The following GNAL variants were observed in gnomAD, a reference collection of about 807,000 sequenced individuals.
GNAL encodes G protein subunit alpha L.
GNAL carries 18 observed loss-of-function variants against 55.1 expected under a neutral mutation model. The ratio of observed to expected loss-of-function variants is 0.33; its 90% CI spans 0.23 to 0.48. GNAL has a LOEUF of 0.48. Ranked by LOEUF, GNAL falls within the 20% of genes least tolerant of loss-of-function variation. The pLI, the probability that GNAL is intolerant of heterozygous loss-of-function variation, is 0.99. For missense variants in GNAL, 412 were observed against 614.1 expected, an observed-to-expected ratio of 0.67 and a Z score of 3.48; for synonymous variants, 253 against 237.0, an observed-to-expected ratio of 1.07 and a Z score of -0.62.
At chr18:11,721,936 T>A (rs979082429) in intron 1 of GNAL, among the ~76,000 whole-genome samples, 8 of 148,338 alleles carry the variant, frequency 5.4e-5, no homozygotes, top group African/African-American at 1.5e-4. Context: ...AAATAAATAA[T>A]AAAATAGTCT....
chr18:11,880,447 C>T (rs1164684948), intron 11 of GNAL, among the ~76,000 whole-genome samples: 4 of 151,830 alleles, frequency 2.6e-5, no homozygotes, highest in Middle Eastern at 3.4e-3. Flanking sequence ...CGGTGATGGA[C>T]GCCTGTAATC....
chr18:11,813,315 C>T (rs2034870787), intron 4 of GNAL, among the ~76,000 whole-genome samples: 1 of 151,086 alleles, frequency 6.6e-6, no homozygotes, highest in Non-Finnish European at 1.5e-5. Flanking sequence ...TCATGGATTA[C>T]ACAACCATTA....
chr18:11,732,332 G>A (rs955497659), intron 1 of GNAL, among the ~76,000 whole-genome samples: 2 of 152,134 alleles, frequency 1.3e-5, no homozygotes, highest in African/African-American at 2.4e-5. Context: ...ACATCTCACC[G>A]ACACTCGTTA....
chr18:11,825,060 G>T, intron 5 of GNAL, 45 bp downstream of exon 5: 2 of 986,416 alleles, frequency 2.0e-6, no homozygotes, highest in South Asian at 1.4e-5. Context: ...TGAAGAATAT[G>T]ATTGCATGCA....
chr18:11,830,488 G>T (rs1226931541), intron 5 of GNAL, among the ~76,000 whole-genome samples: 1 of 152,066 alleles, frequency 6.6e-6, no homozygotes, highest in Non-Finnish European at 1.5e-5. Flanking sequence ...TTCCATGGCA[G>T]GAGTCATGGG....
intron 4 of GNAL, among the ~76,000 whole-genome samples, chr18:11,823,333 A>AG (rs1568043390): frequency 6.6e-6 from 1 of 152,136 alleles, no homozygotes; most frequent in African/African-American, 2.4e-5. Flanking sequence ...TCAGGGGGAG[A>AG]ATGTCTCTTT....
intron 1 of GNAL, among the ~76,000 whole-genome samples, chr18:11,749,413 T>C (rs1237868795): frequency 6.6e-6 from 1 of 152,246 alleles, no homozygotes; most frequent in Non-Finnish European, 1.5e-5. Flanking sequence ...AAAAGTACTA[T>C]ATTGAACAAA....
In GNAL at chr18:11,689,488, G is replaced by T. The variant is rs973567089; in HGVS notation, c.-76G>T. The T allele has an allele frequency of 1.8e-5, 12 of 656,542 alleles. No homozygotes were observed. In the South Asian group the frequency reaches 6.4e-4, roughly 35 times the overall value. 40.7% of individuals were successfully genotyped at this position (656,542 alleles called of 1,614,324 possible). A position where few individuals can be genotyped will look rare whatever the true frequency, so the allele number is the denominator to read the frequency against. On this transcript the variant is annotated 5_prime_UTR_variant, in exon 1 of 12. Transcript: ENST00000334049. The stretch of plus-strand genomic sequence containing the variant: ...CTCCGCTGAGGCGCCGGCCTGAACT[G>T]GGCGCGGGAACCAGGCCGCCCTCGG...
Position 11,752,262 on chromosome 18 carries a change from G to A in GNAL, c.377-591G>A, listed in dbSNP as rs976970232. 7.4e-7 allele frequency: 1 copy of A among 1,359,852 alleles called. No individual in the cohort carries two copies. The highest frequency in any genetic ancestry group is 9.5e-7 in the Non-Finnish European group (1 of 1,047,866). The allele number at this position is 1,359,852 out of a possible 1,614,324, so 84.2% of individuals were successfully genotyped here. On this transcript the variant is annotated intron_variant, in intron 1 of 11. Transcript: ENST00000334049. The surrounding 1 kb of genome is among the most constrained non-coding windows in gnomAD (Gnocchi z 4.5). ...TTTAGTTGGGAGTTTGCGGTGGGCA[G>A]GGGGAGGGAGAAGAAACGCCTGCTC...
intron 4 of GNAL, among the ~76,000 whole-genome samples, chr18:11,771,282 ATAGTGAG>A (rs2033627386): frequency 6.6e-6 from 1 of 151,576 alleles, no homozygotes; most frequent in South Asian, 2.1e-4. Context: ...TTAAAATGTT[ATAGTGAG>A]TAGTGTGTTA....
chr18:11,695,914 G>GCACA (rs1567988336), intron 1 of GNAL, among the ~76,000 whole-genome samples: 2 of 146,912 alleles, frequency 1.4e-5, no homozygotes, highest in Non-Finnish European at 3.0e-5. Context: ...AGACATGCAT[G>GCACA]CACGCATGCA....
intron 4 of GNAL, among the ~76,000 whole-genome samples, chr18:11,809,524 G>A (rs2034755186): frequency 6.6e-6 from 1 of 152,044 alleles, no homozygotes; most frequent in Admixed American, 6.6e-5. Context: ...CTTGAGGCCA[G>A]GAGTTGGATA....
chr18:11,704,650 T>A (rs1426564358), intron 1 of GNAL, among the ~76,000 whole-genome samples: 1 of 152,170 alleles, frequency 6.6e-6, no homozygotes, highest in Non-Finnish European at 1.5e-5. Context: ...GTCTCTTACA[T>A]TTTTGTCTCC....
intron 4 of GNAL, among the ~76,000 whole-genome samples, chr18:11,754,343 G>A (rs1338140543): frequency 6.6e-6 from 1 of 151,940 alleles, no homozygotes; most frequent in Non-Finnish European, 1.5e-5. Flanking sequence ...CTTGATCGAG[G>A]GAGGTGGAGG....
At chr18:11,796,083 C>T (rs2034371141) in intron 4 of GNAL, among the ~76,000 whole-genome samples, 1 of 152,128 alleles carries the variant, frequency 6.6e-6, no homozygotes, top group Non-Finnish European at 1.5e-5. Flanking sequence ...AGGAAAGTAA[C>T]CATCCCTCCT....
intron 11 of GNAL, among the ~76,000 whole-genome samples, chr18:11,880,552 G>A (rs1482609668): frequency 6.6e-6 from 1 of 152,154 alleles, no homozygotes; most frequent in Non-Finnish European, 1.5e-5. Flanking sequence ...TCCAGCCTGG[G>A]CAACAGAGCT....
chr18:11,850,066 G>C (rs1598426740), intron 5 of GNAL, among the ~76,000 whole-genome samples: 1 of 152,198 alleles, frequency 6.6e-6, no homozygotes, highest in Non-Finnish European at 1.5e-5. Context: ...TCAATAGGCA[G>C]AGATGCATGG....
In GNAL at chr18:11,712,653, T is replaced by C. The variant is rs11872148; in HGVS notation, c.376+22714T>C. Among the ~76,000 whole-genome samples the C allele has an allele frequency of 4.8e-3, 732 of 152,330 alleles. 3 individuals carry two copies. Among genetic ancestry groups the C allele is most frequent in the African/African-American group, 0.017 (686 of 41,570 alleles). On this transcript the variant is annotated intron_variant, in intron 1 of 11. Coordinates refer to ENST00000334049, the MANE Select transcript of GNAL (RefSeq NM_182978.4). Reference sequence around the variant, plus strand: ...TTTTTCTATAGAGTTACCAGTCCAGTTGAAAATCTCTGATTTCTCTCCCTG... The same window carrying C: ...TTTTTCTATAGAGTTACCAGTCCAGCTGAAAATCTCTGATTTCTCTCCCTG...
Position 11,881,011 on chromosome 18 carries a change from A to T in GNAL, c.1253A>T (p.Asp418Val). ...LFLRISTATG[D>V]GKHYCYPHFT... ...CAGAGGATCAGCACGGCCACCGGTG[A>T]CGGCAAACATTACTGCTACCCGCAC... The change falls in exon 12 of 12, where the codon GAC becomes GTC. Residue 418 changes from aspartate to valine, a missense_variant. Coordinates refer to ENST00000334049, the MANE Select transcript of GNAL (RefSeq NM_182978.4). This position sits in a 1 kb window ranked among gnomAD's most constrained non-coding sequence, Gnocchi z 4.8. 1 of 1,614,068 alleles carries T rather than the reference A, an allele frequency of 6.2e-7. No homozygotes were observed. The highest frequency in any genetic ancestry group is 8.5e-7 in the Non-Finnish European group (1 of 1,179,978).
Sources: allele counts gnomAD v4.1 joint callset (sites outside exome capture counted in the v4.1 genomes callset), GRCh38; gene constraint gnomAD v4.1.1; non-coding constraint Gnocchi (gnomAD v3.1); transcripts MANE v1.5; gene names NCBI Gene and HGNC (gene_info 2026-07-23, HGNC 2026-07-21).